The following MYLK4 variants were observed in gnomAD, a reference collection of about 807,000 sequenced individuals.
The protein encoded by MYLK4 is myosin light chain kinase family member 4.
A neutral mutation model predicts 48.1 loss-of-function variants in MYLK4; 46 were observed. That is an observed-to-expected ratio of 0.96 (90% CI 0.75 to 1.22). MYLK4 has a LOEUF of 1.22. Ranked by LOEUF, MYLK4 falls within the 50% of genes most tolerant of loss-of-function variation. The pLI, the probability that MYLK4 is intolerant of heterozygous loss-of-function variation, is 0.00. For synonymous variants in MYLK4, 170 were observed against 180.8 expected, an observed-to-expected ratio of 0.94 and a Z score of 0.48; for missense variants, 451 against 486.1, an observed-to-expected ratio of 0.93 and a Z score of 0.68.
intron 2 of MYLK4, among the ~76,000 whole-genome samples, chr6:2,732,685 G>A (rs1199204254): frequency 6.6e-6 from 1 of 151,984 alleles, no homozygotes; most frequent in Non-Finnish European, 1.5e-5. Context: ...GAGAGCCTGA[G>A]GAGGGTGTCA....
intron 2 of MYLK4, among the ~76,000 whole-genome samples, chr6:2,714,226 T>G (rs1339970259): frequency 6.6e-6 from 1 of 152,136 alleles, no homozygotes; most frequent in African/African-American, 2.4e-5. Flanking sequence ...GCCCCATTGC[T>G]CATTAGCATA....
At chr6:2,694,500 G>GC (rs1761948431) in intron 2 of MYLK4, among the ~76,000 whole-genome samples, 1 of 60,216 alleles carries the variant, frequency 1.7e-5, no homozygotes, top group Non-Finnish European at 3.5e-5. Flanking sequence ...CATGGTGGTG[G>GC]TGGTGGTGGT....
intron 2 of MYLK4, among the ~76,000 whole-genome samples, chr6:2,695,163 A>G (rs1762015204): frequency 6.6e-6 from 1 of 152,220 alleles, no homozygotes; most frequent in Non-Finnish European, 1.5e-5. Context: ...AGTTTAACAA[A>G]TTGTGTTTAA....
At chr6:2,731,524 G>A (rs1401573858) in intron 2 of MYLK4, among the ~76,000 whole-genome samples, 2 of 152,186 alleles carry the variant, frequency 1.3e-5, no homozygotes, top group Non-Finnish European at 1.5e-5. Context: ...TTCAGGTGCA[G>A]ATGAAACTTC....
In MYLK4 at chr6:2,688,919, A is replaced by C. The variant is rs1254798433; in HGVS notation, c.273T>G (p.Arg91=). 1 of 1,614,206 alleles carries C rather than the reference A, an allele frequency of 6.2e-7. No individual in the cohort carries two copies. The highest frequency in any genetic ancestry group is 1.7e-5 in the Admixed American group (1 of 60,018). Residue 91 remains arginine, a synonymous_variant, in exon 4 of 13, where the codon CGT becomes CGG. Coordinates refer to ENST00000274643, the MANE Select transcript of MYLK4 (RefSeq NM_001012418.5). ...CCGCTCCTTGCTTGGCTGTCACAAT[A>C]CGATGATCAAATGGGGCCGGAGGAG... ...IPAPPAPFDH[R]IVTAKQGAVN... is the part of the protein sequence containing the mutation.
chr6:2,673,866 T>C lies in MYLK4; in HGVS notation c.1119+1181A>G, dbSNP rs1050094556. On this transcript the variant is annotated intron_variant, in intron 11 of 12. Transcript: ENST00000274643. The surrounding 1 kb of genome is among the most constrained non-coding windows in gnomAD (Gnocchi z 4.2). ...AGAAACAGACAGCTTCCAGAGGTAA[T>C]TAGGGGATATCATGTACACAACATG... 3.3e-5 allele frequency among the ~76,000 whole-genome samples: 5 copies of C among 152,014 alleles called. No individual in the cohort carries two copies. Among genetic ancestry groups the C allele is most frequent in the African/African-American group, 1.2e-4 (5 of 41,374 alleles).
the MYLK4 span, among the ~76,000 whole-genome samples, chr6:2,758,717 G>C: frequency 6.6e-6 from 1 of 152,044 alleles, no homozygotes; most frequent in East Asian, 1.9e-4. Context: ...TAGTTTGTTT[G>C]AATGTATTCA....
chr6:2,724,808 G>T (rs1041131748), intron 2 of MYLK4, among the ~76,000 whole-genome samples: 3 of 152,134 alleles, frequency 2.0e-5, no homozygotes, highest in Non-Finnish European at 4.4e-5. Context: ...GGGAGACCTC[G>T]TATTCTATTA....
intron 2 of MYLK4, among the ~76,000 whole-genome samples, chr6:2,722,471 C>A (rs1763102862): frequency 6.7e-6 from 1 of 148,944 alleles, no homozygotes; most frequent in Non-Finnish European, 1.5e-5. Context: ...TATAATATAA[C>A]TATGTTGAGA....
the MYLK4 span, among the ~76,000 whole-genome samples, chr6:2,765,183 CCCCCCCCCCCG>C: frequency 5.2e-5 from 1 of 19,304 alleles, no homozygotes; most frequent in Non-Finnish European, 1.2e-4. Context: ...CGCCTCGCAA[CCCCCCCCCCCG>C]CCCCTCCCCC....
chr6:2,705,306 A>G (rs1240323884), intron 2 of MYLK4, among the ~76,000 whole-genome samples: 3 of 152,192 alleles, frequency 2.0e-5, no homozygotes, highest in Non-Finnish European at 2.9e-5. Flanking sequence ...TTTCTCAACA[A>G]AGTTTCCCAT....
upstream of MYLK4, among the ~76,000 whole-genome samples, chr6:2,753,289 A>G (rs186345274): frequency 1.1e-3 from 171 of 152,324 alleles, no homozygotes; most frequent in Non-Finnish European, 2.1e-3. Flanking sequence ...ACGGGTTGGC[A>G]TTGAAACCCG....
rs1031052294 is a variant in MYLK4 at position 2,723,050 on chromosome 6, G to T, written c.159+26086C>A. Among the ~76,000 whole-genome samples the T allele has an allele frequency of 2.6e-5, 4 of 152,054 alleles. No individual in the cohort carries two copies. The South Asian group carries it at 8.3e-4, about 32-fold the overall frequency. ...CTCACACCTTCGATCCCAGCACTTT[G>T]GGAGGCTGAGGGGGGAGGATTGCAT... On this transcript the variant is annotated intron_variant, in intron 2 of 12. Transcript: ENST00000274643.
rs756459033 is a variant in MYLK4 at position 2,686,975 on chromosome 6, C to T, written c.342-1399G>A. Among the ~76,000 whole-genome samples, 125 of 152,124 alleles carry T rather than the reference C, an allele frequency of 8.2e-4. 4 individuals carry two copies. Among genetic ancestry groups the T allele is most frequent in the Admixed American group, 9.2e-4 (14 of 15,286 alleles). On this transcript the variant is annotated intron_variant, in intron 4 of 12. Transcript: ENST00000274643. ...GGCTCCCTCAACCTTCTGACTCTTT[C>T]CCCTGATTTATTGTGCAAGGGCCCT...
chr6:2,679,761 C>T (rs1052973913), intron 8 of MYLK4, among the ~76,000 whole-genome samples: 1 of 152,190 alleles, frequency 6.6e-6, no homozygotes, highest in African/African-American at 2.4e-5. Flanking sequence ...AAACACAGTA[C>T]TGCAATAATT....
At position 2,671,354 on chromosome 6, in the gene MYLK4, G is replaced by A. The variant is rs1184521135; in HGVS notation, c.1120-6C>T. 2.0e-5 allele frequency: 32 copies of A among 1,613,580 alleles called. No homozygotes were observed. The East Asian group carries it at 6.9e-4, about 35-fold the overall frequency. On this transcript the variant is annotated splice_region_variant and splice_polypyrimidine_tract_variant and intron_variant, in intron 11 of 12. Transcript: ENST00000274643. ...GAGCCACGATTCTTCTTCTTCTAGG[G>A]AAAGCAGAAGGCATATGGGAAGGAT...
intron 4 of MYLK4, among the ~76,000 whole-genome samples, chr6:2,688,508 T>C (rs1011929992): frequency 7.2e-5 from 11 of 152,170 alleles, no homozygotes; most frequent in Admixed American, 2.0e-4. Flanking sequence ...AAAGACCTAA[T>C]ACAGGCCACA....
the MYLK4 span, among the ~76,000 whole-genome samples, chr6:2,762,881 AC>A: frequency 6.6e-6 from 1 of 152,178 alleles, no homozygotes; most frequent in Non-Finnish European, 1.5e-5. Context: ...TTGTGGTCTG[AC>A]TGCCTTCAGA....
chr6:2,762,808 C>G, the MYLK4 span, among the ~76,000 whole-genome samples: 1 of 152,168 alleles, frequency 6.6e-6, no homozygotes, highest in Admixed American at 6.5e-5. Context: ...TTCCCGGAGA[C>G]CGTTAGAGGT....
Sources: gnomAD v4.1 joint callset for allele counts (sites outside exome capture counted in the v4.1 genomes callset) on GRCh38, gnomAD v4.1.1 for gene constraint, Gnocchi (gnomAD v3.1) non-coding constraint, MANE v1.5 for transcripts, NCBI Gene and HGNC (gene_info 2026-07-23, HGNC 2026-07-21) for gene names.